The following PHF21A variants were observed in gnomAD, a reference collection of about 807,000 sequenced individuals.
The protein encoded by PHF21A is PHD finger protein 21A, also known as BHC80a.
PHF21A carries 11 observed loss-of-function variants against 82.5 expected under a neutral mutation model. The observed-to-expected ratio is 0.13, with a 90% CI of 0.08 to 0.22. PHF21A has a LOEUF of 0.22. Ranked by LOEUF, PHF21A falls within the 10% of genes least tolerant of loss-of-function variation. The probability of loss-of-function intolerance (pLI) is 1.00; values close to 1 mark genes in which losing one functional copy is unlikely to be tolerated. For missense variants in PHF21A, 579 were observed against 837.8 expected (o/e 0.69, Z 3.81); for synonymous variants, 297 against 302.8 (o/e 0.98, Z 0.20).
At chr11:46,101,865 T>TC (rs1225620053) in intron 1 of PHF21A, among the ~76,000 whole-genome samples, 1 of 151,752 alleles carries the variant, frequency 6.6e-6, no homozygotes, top group African/African-American at 2.4e-5. Context: ...CCCTCTTTTT[T>TC]TTTTTTTTTT....
At chr11:45,998,027 C>T in intron 6 of PHF21A, among the ~76,000 whole-genome samples, 1 of 152,120 alleles carries the variant, frequency 6.6e-6, no homozygotes, top group East Asian at 1.9e-4. Context: ...CATTTCAGTA[C>T]CATCAGTAGC....
chr11:45,979,233 G>A (rs557541178), intron 7 of PHF21A, among the ~76,000 whole-genome samples: 179 of 152,122 alleles, frequency 1.2e-3, no homozygotes, highest in African/African-American at 4.0e-3. Context: ...TGGCCAGGCT[G>A]GTCTCAAACT....
At chr11:46,031,975 C>T (rs538144826) in intron 6 of PHF21A, among the ~76,000 whole-genome samples, 1 of 152,322 alleles carries the variant, frequency 6.6e-6, no homozygotes, top group South Asian at 2.1e-4. Context: ...TTTTTGTTCT[C>T]TTCCACACTA....
chr11:46,095,456 T>C (rs1158021130), intron 1 of PHF21A, among the ~76,000 whole-genome samples: 1 of 152,130 alleles, frequency 6.6e-6, no homozygotes, highest in East Asian at 1.9e-4. Flanking sequence ...GAAAAATATA[T>C]CCAAAACACC....
At chr11:46,013,908 T>A (rs185815883) in intron 6 of PHF21A, among the ~76,000 whole-genome samples, 104 of 152,316 alleles carry the variant, frequency 6.8e-4, no homozygotes, top group Admixed American at 5.4e-3. Flanking sequence ...AATGAGTGGT[T>A]AGTAAATGTG....
At chr11:46,070,898 C>T (rs2096649429) in intron 6 of PHF21A, among the ~76,000 whole-genome samples, 1 of 152,014 alleles carries the variant, frequency 6.6e-6, no homozygotes, top group Admixed American at 6.5e-5. Context: ...TGCTTTTTTC[C>T]CCTGTGACAG....
intron 11 of PHF21A, among the ~76,000 whole-genome samples, chr11:45,952,457 T>G (rs1416081375): frequency 6.6e-6 from 1 of 152,256 alleles, no homozygotes; most frequent in Non-Finnish European, 1.5e-5. Context: ...TTGCCCAGGC[T>G]GGATCCTTCA....
chr11:46,059,287 C>T (rs1349516396), intron 6 of PHF21A, among the ~76,000 whole-genome samples: 2 of 152,062 alleles, frequency 1.3e-5, no homozygotes, highest in East Asian at 3.8e-4. Flanking sequence ...TGATATAATA[C>T]CCTACCCAAA....
At position 46,076,825 on chromosome 11, in the gene PHF21A, T is replaced by C. The variant is rs767395445; in HGVS notation, c.88-6A>G. On this transcript the variant is annotated splice_region_variant and splice_polypyrimidine_tract_variant and intron_variant, in intron 5 of 18. Coordinates refer to ENST00000676320, the MANE Select transcript of PHF21A (RefSeq NM_001352027.3). ...TGTTTCTTTAAGTCAGCATTCTGAT[T>C]GGAAAGAAAAAATATCTGTGAGAAA... 1.9e-6 allele frequency: 3 copies of C among 1,608,874 alleles called. No homozygotes were observed. In the South Asian group the frequency reaches 3.3e-5, roughly 18 times the overall value.
At chr11:45,936,437 G>T in intron 17 of PHF21A, 57 bp downstream of exon 17, 1 of 984,490 alleles carries the variant, frequency 1.0e-6, no homozygotes, top group Non-Finnish European at 1.6e-6. Flanking sequence ...AATACTGCCA[G>T]TATTTTTTTC....
chr11:45,994,821 C>T (rs1310253143), intron 6 of PHF21A, among the ~76,000 whole-genome samples: 1 of 152,216 alleles, frequency 6.6e-6, no homozygotes, highest in Non-Finnish European at 1.5e-5. Flanking sequence ...TCACTGGCAA[C>T]GTGACACACT....
intron 12 of PHF21A, among the ~76,000 whole-genome samples, chr11:45,949,839 C>T (rs998082541): frequency 2.0e-5 from 3 of 152,136 alleles, no homozygotes; most frequent in Admixed American, 6.5e-5. Context: ...ATTAAATAAT[C>T]AGGACAGGTA....
chr11:45,945,294 T>G (rs1283355652), intron 15 of PHF21A, among the ~76,000 whole-genome samples: 1 of 152,224 alleles, frequency 6.6e-6, no homozygotes, highest in Non-Finnish European at 1.5e-5. Flanking sequence ...TTCACATTCC[T>G]GCAGTTTGTG....
chr11:46,077,066 T>C (rs561739463), intron 5 of PHF21A, among the ~76,000 whole-genome samples: 7 of 152,374 alleles, frequency 4.6e-5, no homozygotes, highest in African/African-American at 1.7e-4. Context: ...AAGTTTTATA[T>C]TTGAGCATCT....
intron 6 of PHF21A, among the ~76,000 whole-genome samples, chr11:46,069,726 T>C (rs750922454): frequency 1.3e-5 from 2 of 152,218 alleles, no homozygotes; most frequent in Admixed American, 6.5e-5. Flanking sequence ...TGATAAATTA[T>C]ACAATAATGG....
chr11:46,013,889 G>A (rs1239491766), intron 6 of PHF21A, among the ~76,000 whole-genome samples: 1 of 152,190 alleles, frequency 6.6e-6, no homozygotes, highest in Non-Finnish European at 1.5e-5. Flanking sequence ...TGTACTGGGT[G>A]AGTCAGTGAA....
intron 1 of PHF21A, among the ~76,000 whole-genome samples, chr11:46,116,427 A>G (rs1196312880): frequency 2.0e-5 from 3 of 152,228 alleles, no homozygotes; most frequent in Admixed American, 6.5e-5. Context: ...TACTCTGTCA[A>G]TAAGAGTCTA....
chr11:45,970,892 A>T (rs369045954), intron 8 of PHF21A: 1 of 538,606 alleles, frequency 1.9e-6, no homozygotes. Context: ...CTTTGACCTC[A>T]GATAATGCAC....
intron 3 of PHF21A, among the ~76,000 whole-genome samples, chr11:46,087,706 A>AG (rs982364990): frequency 2.0e-5 from 3 of 152,278 alleles, no homozygotes; most frequent in Admixed American, 6.5e-5. Flanking sequence ...CTTGTAGAGA[A>AG]GGGGTCTCAT....
Sources: gnomAD v4.1 joint callset for allele counts (sites outside exome capture counted in the v4.1 genomes callset) on GRCh38, gnomAD v4.1.1 for gene constraint, MANE v1.5 for transcripts, NCBI Gene and HGNC (gene_info 2026-07-23, HGNC 2026-07-21) for gene names.